FUT9: variants seen among roughly 807,000 people sequenced by gnomAD.
FUT9 encodes fucosyltransferase 9, also known as 4-galactosyl-N-acetylglucosaminide 3-alpha-L-fucosyltransferase 9.
FUT9 carries 15 observed loss-of-function variants against 29.7 expected under a neutral mutation model. That is an observed-to-expected ratio of 0.51 (90% confidence interval 0.34 to 0.78). FUT9 has a LOEUF of 0.78. Ranked by LOEUF, FUT9 falls within the 30% of genes least tolerant of loss-of-function variation. The pLI is 0.01. For synonymous variants in FUT9, 169 were observed against 153.7 expected, an observed-to-expected ratio of 1.10 and a Z score of -0.74; for missense variants, 319 against 425.4, an observed-to-expected ratio of 0.75 and a Z score of 2.20.
rs554183862 is a variant in FUT9, at chr6:96,208,242, A to T, written c.*4007A>T. The T allele has an allele frequency of 1.8e-5, 3 of 163,938 alleles. No homozygotes were observed. Among genetic ancestry groups the T allele is most frequent in the Non-Finnish European group, 4.5e-5 (3 of 67,328 alleles). The allele number at this position is 163,938 out of a possible 1,614,324, so 10.2% of individuals were successfully genotyped here. A position where few individuals can be genotyped will look rare whatever the true frequency, so the allele number is the denominator to read the frequency against. ...TTTTGTCAGCCTATTTTTAAACTAG[A>T]TTCCATGAGTCTTAAGGTAATATCC... On this transcript the variant is annotated 3_prime_UTR_variant, in exon 3 of 3. Transcript: ENST00000302103.
At chr6:96,126,769 A>G (rs1160903861) in intron 2 of FUT9, among the ~76,000 whole-genome samples, 1 of 152,190 alleles carries the variant, frequency 6.6e-6, no homozygotes, top group Non-Finnish European at 1.5e-5. Flanking sequence ...AATACTTTCA[A>G]TGGAGGTAGA....
intron 2 of FUT9, among the ~76,000 whole-genome samples, chr6:96,177,211 C>A (rs1010630133): frequency 6.6e-6 from 1 of 152,040 alleles, no homozygotes; most frequent in African/African-American, 2.4e-5. Flanking sequence ...GAGTTTGTAT[C>A]TTTTACTATA....
chr6:96,060,737 C>T (rs894169470), intron 1 of FUT9, among the ~76,000 whole-genome samples: 2 of 152,028 alleles, frequency 1.3e-5, no homozygotes, highest in South Asian at 4.1e-4. Context: ...AGGTTTTCAC[C>T]ATGTTAGCCA....
chr6:96,061,835 T>C (rs1198036702), intron 1 of FUT9, among the ~76,000 whole-genome samples: 1 of 152,212 alleles, frequency 6.6e-6, no homozygotes, highest in African/African-American at 2.4e-5. Context: ...TAATCTCTCC[T>C]GTTTTATGTA....
chr6:96,138,674 G>A (rs1772406450), intron 2 of FUT9, among the ~76,000 whole-genome samples: 1 of 152,094 alleles, frequency 6.6e-6, no homozygotes, highest in Non-Finnish European at 1.5e-5. Context: ...GCAGCATCCA[G>A]GACTTAATTG....
rs1229527888 is a variant in FUT9 at position 96,215,436 on chromosome 6, G to A, written c.*11201G>A. On this transcript the variant is annotated 3_prime_UTR_variant, in exon 3 of 3. Coordinates refer to ENST00000302103, the MANE Select transcript of FUT9 (RefSeq NM_006581.4). ...AGAAATAAATGTATAAAGGATTTGA[G>A]CCTGTATGTGTAAGAAGAAACTCTC... The A allele has an allele frequency of 6.0e-6, 1 of 166,718 alleles. No individual in the cohort carries two copies. The highest frequency in any genetic ancestry group is 2.4e-5 in the African/African-American group (1 of 41,422). The allele number at this position is 166,718 out of a possible 1,614,324, so 10.3% of individuals were successfully genotyped here. A position where few individuals can be genotyped will look rare whatever the true frequency, so the allele number is the denominator to read the frequency against.
chr6:96,171,309 A>G (rs934347952), intron 2 of FUT9, among the ~76,000 whole-genome samples: 5 of 152,186 alleles, frequency 3.3e-5, no homozygotes, highest in African/African-American at 1.2e-4. Context: ...TGGGTTGCTC[A>G]TGCATGAGTA....
At position 96,208,338 on chromosome 6, in the gene FUT9, C is replaced by T. The variant is rs1461524580; in HGVS notation, c.*4103C>T. ...TCCTTACCTTATGACTGTGTTTGAT[C>T]ATATCTTTGAGTTCCCTTGAACTCT... On this transcript the variant is annotated 3_prime_UTR_variant, in exon 3 of 3. Coordinates refer to ENST00000302103, the MANE Select transcript of FUT9 (RefSeq NM_006581.4). 1 of 166,376 alleles carries T rather than the reference C, an allele frequency of 6.0e-6. No individual in the cohort carries two copies. Among genetic ancestry groups the T allele is most frequent in the East Asian group, 1.9e-4 (1 of 5,186 alleles). The allele number at this position is 166,376 out of a possible 1,614,324, so 10.3% of individuals were successfully genotyped here. A position where few individuals can be genotyped will look rare whatever the true frequency, so the allele number is the denominator to read the frequency against.
chr6:96,046,929 T>C (rs571199223), intron 1 of FUT9, among the ~76,000 whole-genome samples: 2 of 152,168 alleles, frequency 1.3e-5, no homozygotes, highest in African/African-American at 2.4e-5. Flanking sequence ...TTGAGTTTAG[T>C]GGCAACCAAA....
At chr6:96,184,985 A>G (rs187031442) in intron 2 of FUT9, among the ~76,000 whole-genome samples, 2 of 152,036 alleles carry the variant, frequency 1.3e-5, no homozygotes, top group East Asian at 3.9e-4. Flanking sequence ...TTTTTTAAGC[A>G]AACGTTCTTA....
intron 1 of FUT9, among the ~76,000 whole-genome samples, chr6:96,064,642 TGG>T (rs1157653606): frequency 3.3e-5 from 5 of 152,186 alleles, no homozygotes; most frequent in Admixed American, 6.5e-5. Context: ...TATAGAAAAG[TGG>T]GTGGATCTTT....
intron 1 of FUT9, among the ~76,000 whole-genome samples, chr6:96,031,267 C>A (rs998356565): frequency 6.6e-6 from 1 of 151,420 alleles, no homozygotes; most frequent in African/African-American, 2.4e-5. Context: ...TGGTAAATAA[C>A]ATTTTGCATT....
intron 2 of FUT9, among the ~76,000 whole-genome samples, chr6:96,165,879 G>T (rs1773006927): frequency 6.6e-6 from 1 of 152,068 alleles, no homozygotes; most frequent in South Asian, 2.1e-4. Context: ...ACCTCCCAGA[G>T]TGCTGGGATT....
intron 1 of FUT9, among the ~76,000 whole-genome samples, chr6:96,069,625 TTA>T (rs1491012180): frequency 1.1e-5 from 1 of 91,552 alleles, no homozygotes; most frequent in African/African-American, 3.8e-5. Context: ...TTTTATTTTT[TTA>T]TTTTTTATTT....
At chr6:96,129,351 G>A (rs1772199126) in intron 2 of FUT9, among the ~76,000 whole-genome samples, 1 of 150,744 alleles carries the variant, frequency 6.6e-6, no homozygotes. Context: ...AGGCAGAGGT[G>A]GGAGAAGGTC....
intron 1 of FUT9, among the ~76,000 whole-genome samples, chr6:96,024,158 T>C (rs922181964): frequency 2.6e-5 from 4 of 151,902 alleles, no homozygotes; most frequent in Non-Finnish European, 5.9e-5. Context: ...CTTTTCTTTC[T>C]ATAAATCCAG....
intron 1 of FUT9, among the ~76,000 whole-genome samples, chr6:96,108,573 T>G (rs1043150024): frequency 6.6e-6 from 1 of 152,174 alleles, no homozygotes; most frequent in African/African-American, 2.4e-5. Flanking sequence ...GCTCTCAGCA[T>G]GACCCAGGGG....
At chr6:96,198,554 T>C (rs1208461630) in intron 2 of FUT9, among the ~76,000 whole-genome samples, 1 of 152,146 alleles carries the variant, frequency 6.6e-6, no homozygotes. Flanking sequence ...TCTTTGCTAT[T>C]GCGAATAATG....
chr6:96,100,955 G>T (rs1771576454), intron 1 of FUT9, among the ~76,000 whole-genome samples: 2 of 152,140 alleles, frequency 1.3e-5, no homozygotes, highest in South Asian at 4.1e-4. Flanking sequence ...TGGAAGTTTA[G>T]GAGGCATCAG....
Sources: gnomAD v4.1 joint callset for allele counts (sites outside exome capture counted in the v4.1 genomes callset) on GRCh38, gnomAD v4.1.1 for gene constraint, MANE v1.5 for transcripts, NCBI Gene and HGNC (gene_info 2026-07-23, HGNC 2026-07-21) for gene names.